The following ATP8B4 variants were observed in gnomAD, a reference collection of about 807,000 sequenced individuals.
ATP8B4 encodes probable phospholipid-transporting ATPase IM.
In ATP8B4, 133 loss-of-function variants were observed where a neutral mutation model predicts 145.6. The ratio of observed to expected loss-of-function variants is 0.91; its 90% CI spans 0.79 to 1.05. ATP8B4 has a LOEUF of 1.05. ATP8B4 is among the 50% of genes least tolerant of loss of function. The pLI is 0.00. For synonymous variants in ATP8B4, 507 were observed against 492.9 expected (o/e 1.03, Z -0.38); for missense variants, 1,458 against 1,425.2 (o/e 1.02, Z -0.37).
chr15:50,129,029 T>C (rs1266386453), intron 1 of ATP8B4, among the ~76,000 whole-genome samples: 2 of 152,070 alleles, frequency 1.3e-5, no homozygotes, highest in Non-Finnish European at 2.9e-5. Context: ...GATCGCGTCA[T>C]TGCACTCCAG....
intron 6 of ATP8B4, among the ~76,000 whole-genome samples, chr15:50,036,143 G>C (rs1192168298): frequency 6.6e-6 from 1 of 152,316 alleles, no homozygotes; most frequent in East Asian, 1.9e-4. Flanking sequence ...CAGATCCTGA[G>C]ATGAGTATTC....
chr15:49,966,281 C>A (rs921143991), intron 13 of ATP8B4, among the ~76,000 whole-genome samples: 2 of 152,204 alleles, frequency 1.3e-5, no homozygotes, highest in Non-Finnish European at 2.9e-5. Context: ...ACCATTCACA[C>A]CCCTGGAAAG....
At chr15:50,013,919 G>C (rs980923819) in intron 6 of ATP8B4, among the ~76,000 whole-genome samples, 1 of 152,176 alleles carries the variant, frequency 6.6e-6, no homozygotes, top group Non-Finnish European at 1.5e-5. Context: ...GAAAATGCAA[G>C]TCTGAGAGTG....
chr15:50,058,441 C>G (rs1158608914), intron 3 of ATP8B4, among the ~76,000 whole-genome samples: 6 of 152,160 alleles, frequency 3.9e-5, no homozygotes, highest in Non-Finnish European at 8.8e-5. Flanking sequence ...TTCAAGACCT[C>G]AGTGTTTACA....
chr15:50,125,988 T>C (rs1315921104), intron 1 of ATP8B4, among the ~76,000 whole-genome samples: 2 of 152,180 alleles, frequency 1.3e-5, no homozygotes, highest in African/African-American at 2.4e-5. Flanking sequence ...TTTAGGTCGA[T>C]ATCTGCCCTA....
chr15:50,120,709 C>CA (rs982994569), upstream of ATP8B4, among the ~76,000 whole-genome samples: 2 of 151,942 alleles, frequency 1.3e-5, no homozygotes, highest in Admixed American at 6.6e-5. Flanking sequence ...ATAGCAACAA[C>CA]AAAAAAACAC....
At chr15:49,978,542 G>A (rs2045870492) in intron 12 of ATP8B4, among the ~76,000 whole-genome samples, 1 of 152,076 alleles carries the variant, frequency 6.6e-6, no homozygotes, top group Admixed American at 6.6e-5. Context: ...GAGATAAAAA[G>A]AGGTTCATAA....
At chr15:49,964,200 G>C (rs2044330689) in intron 13 of ATP8B4, among the ~76,000 whole-genome samples, 1 of 152,162 alleles carries the variant, frequency 6.6e-6, no homozygotes, top group African/African-American at 2.4e-5. Context: ...TATGGCTGCT[G>C]TGTGGGAGGA....
At chr15:49,957,810 A>C (rs1335696627) in intron 14 of ATP8B4, among the ~76,000 whole-genome samples, 1 of 151,946 alleles carries the variant, frequency 6.6e-6, no homozygotes, top group Non-Finnish European at 1.5e-5. Flanking sequence ...ATGACCTATG[A>C]TCAGAACACT....
At chr15:49,925,930 C>T (rs531374827) in intron 16 of ATP8B4, among the ~76,000 whole-genome samples, 14 of 152,086 alleles carry the variant, frequency 9.2e-5, no homozygotes, top group Non-Finnish European at 1.6e-4. Flanking sequence ...TAAATGGTCA[C>T]GATAACATAT....
At chr15:49,998,585 T>C (rs2047619448) in intron 8 of ATP8B4, among the ~76,000 whole-genome samples, 1 of 152,092 alleles carries the variant, frequency 6.6e-6, no homozygotes. Flanking sequence ...TTTGATGAGG[T>C]TGTTTGTTTT....
At chr15:49,988,173 C>T (rs1441870669) in intron 9 of ATP8B4, among the ~76,000 whole-genome samples, 1 of 152,204 alleles carries the variant, frequency 6.6e-6, no homozygotes, top group African/African-American at 2.4e-5. Context: ...TTGCCCCTAA[C>T]TGGCTAGAAG....
intron 1 of ATP8B4, among the ~76,000 whole-genome samples, chr15:50,112,653 T>G (rs74507376): frequency 2.6e-5 from 4 of 152,120 alleles, no homozygotes; most frequent in Non-Finnish European, 5.9e-5. Flanking sequence ...GCAAGTCATG[T>G]ACCCTGCCTG....
intron 6 of ATP8B4, among the ~76,000 whole-genome samples, chr15:50,026,609 T>C (rs2050024358): frequency 6.6e-6 from 1 of 152,212 alleles, no homozygotes; most frequent in African/African-American, 2.4e-5. Context: ...TTCTGCTTAT[T>C]GGAAAAAGAA....
chr15:49,879,247 A>G, intron 24 of ATP8B4, 129 bp downstream of exon 24: 2 of 781,074 alleles, frequency 2.6e-6, no homozygotes, highest in Non-Finnish European at 4.1e-6. Flanking sequence ...TGTGTGATCC[A>G]TGCAAAAGCA....
intron 26 of ATP8B4, among the ~76,000 whole-genome samples, chr15:49,865,678 G>A (rs1247576802): frequency 1.3e-5 from 2 of 152,220 alleles, no homozygotes; most frequent in East Asian, 1.9e-4. Flanking sequence ...CCTACTTCTC[G>A]ATGACCAGAG....
At chr15:50,036,541 A>G (rs564354211) in intron 6 of ATP8B4, among the ~76,000 whole-genome samples, 1 of 152,204 alleles carries the variant, frequency 6.6e-6, no homozygotes, top group Admixed American at 6.5e-5. Context: ...CAAAATCCAA[A>G]AAGTGAAAAG....
At chr15:50,027,618 A>G (rs760460840) in intron 6 of ATP8B4, among the ~76,000 whole-genome samples, 5 of 152,134 alleles carry the variant, frequency 3.3e-5, no homozygotes, top group African/African-American at 9.7e-5. Context: ...TCCATTTCTC[A>G]ATACTTAACT....
At chr15:49,940,352 A>T (rs1447743785) in intron 14 of ATP8B4, among the ~76,000 whole-genome samples, 1 of 152,146 alleles carries the variant, frequency 6.6e-6, no homozygotes, top group Non-Finnish European at 1.5e-5. Flanking sequence ...CATTGGGTAC[A>T]CATAGTCATA....
Sources: allele counts gnomAD v4.1 joint callset (sites outside exome capture counted in the v4.1 genomes callset), GRCh38; gene constraint gnomAD v4.1.1; transcripts MANE v1.5; gene names NCBI Gene and HGNC (gene_info 2026-07-23, HGNC 2026-07-21).